Variants in HNRNPM observed in about 807,000 individuals in gnomAD.
HNRNPM encodes heterogeneous nuclear ribonucleoprotein M.
In HNRNPM, 11 loss-of-function variants were observed where a neutral mutation model predicts 73.1. The ratio of observed to expected loss-of-function variants is 0.15; its 90% CI spans 0.09 to 0.25. HNRNPM has a LOEUF of 0.25. Ranked by LOEUF, HNRNPM falls within the 10% of genes least tolerant of loss-of-function variation. The probability of loss-of-function intolerance (pLI) is 1.00; values close to 1 mark genes in which losing one functional copy is unlikely to be tolerated. For synonymous variants in HNRNPM, 407 were observed against 355.2 expected (o/e 1.15, Z -1.64); for missense variants, 789 against 1,067.9 (o/e 0.74, Z 3.64).
At chr19:8,468,645 C>G in intron 8 of HNRNPM, 129 bp from the exon 9 acceptor site, 2 of 683,978 alleles carry the variant, frequency 2.9e-6, no homozygotes, top group Non-Finnish European at 5.3e-6. Flanking sequence ...TCTACCCTTG[C>G]GTATTACTCC....
In HNRNPM at chr19:8,485,691, G is replaced by C. The variant is rs144260336; in HGVS notation, c.1263G>C (p.Ala421=). The C allele has an allele frequency of 2.6e-5, 41 of 1,605,362 alleles. No individual in the cohort carries two copies. Among genetic ancestry groups the C allele is most frequent in the Non-Finnish European group, 3.5e-5 (41 of 1,178,886 alleles). The change falls in exon 14 of 16, where the codon GCG becomes GCC. Residue 421 remains alanine, a synonymous_variant. Coordinates refer to ENST00000325495, the MANE Select transcript of HNRNPM (RefSeq NM_005968.5). ...LGGAGMERMG[A]GLGHGMDRVG... ...GTGCCGGCATGGAGCGCATGGGCGC[G>C]GGCCTGGGCCACGGCATGGATCGCG... is the stretch of plus-strand genomic sequence containing the variant.
rs1971513627 is a variant in HNRNPM, at chr19:8,488,957, T to A, written c.*103T>A. 9.1e-7 allele frequency: 1 copy of A among 1,098,786 alleles called. No individual in the cohort carries two copies. The highest frequency in any genetic ancestry group is 2.5e-5 in the Admixed American group (1 of 40,550). 68.1% of individuals were successfully genotyped at this position (1,098,786 alleles called of 1,614,324 possible). ...TGGATGTATAAAGATGTTTAAAAAA[T>A]TCAGTTGCTTTTTGGGGTAATTTGA... is the stretch of plus-strand genomic sequence containing the variant. On this transcript the variant is annotated 3_prime_UTR_variant, in exon 16 of 16. Transcript: ENST00000325495.
At chr19:8,480,024 C>T (rs1264484391) in intron 12 of HNRNPM, among the ~76,000 whole-genome samples, 1 of 144,378 alleles carries the variant, frequency 6.9e-6, no homozygotes, top group Non-Finnish European at 1.5e-5. Context: ...TCACACGCCT[C>T]GGCCTCCCAA....
chr19:8,484,609 T>G (rs1321830445), intron 13 of HNRNPM, among the ~76,000 whole-genome samples: 1 of 152,262 alleles, frequency 6.6e-6, no homozygotes, highest in East Asian at 1.9e-4. Flanking sequence ...CCGCTCACTG[T>G]GTGCTGTGCA....
chr19:8,465,749 A>T (rs960164047), intron 6 of HNRNPM, among the ~76,000 whole-genome samples: 1 of 152,152 alleles, frequency 6.6e-6, no homozygotes, highest in Admixed American at 6.6e-5. Flanking sequence ...GTGTTTCCGC[A>T]AGCAGTAACC....
intron 1 of HNRNPM, among the ~76,000 whole-genome samples, chr19:8,448,415 T>G (rs1968363916): frequency 6.6e-6 from 1 of 152,154 alleles, no homozygotes; most frequent in Non-Finnish European, 1.5e-5. Context: ...TTTAAAATTT[T>G]TTTAAATGTA....
intron 7 of HNRNPM, 138 bp from the exon 8 acceptor site, chr19:8,467,397 G>A (rs1364972554): frequency 2.0e-5 from 13 of 649,532 alleles, no homozygotes; most frequent in Non-Finnish European, 3.3e-5. Flanking sequence ...ATTGTTGAAA[G>A]TATAATGAAG....
intron 8 of HNRNPM, among the ~76,000 whole-genome samples, chr19:8,468,146 T>A (rs959503478): frequency 6.6e-6 from 1 of 152,268 alleles, no homozygotes; most frequent in Admixed American, 6.5e-5. Context: ...CTGGGTATCC[T>A]GGTTGAGCAA....
intron 1 of HNRNPM, 127 bp downstream of exon 1, chr19:8,445,238 G>T (rs1160536060): frequency 1.2e-6 from 1 of 835,574 alleles, no homozygotes. Context: ...TTCCCGTACC[G>T]CCTGCTCAGG....
chr19:8,451,358 T>G (rs551270830), intron 1 of HNRNPM, among the ~76,000 whole-genome samples: 28 of 152,274 alleles, frequency 1.8e-4, no homozygotes, highest in African/African-American at 6.0e-4. Context: ...TTAAAAAGAC[T>G]TGCAGAGTTA....
chr19:8,463,417 C>A, intron 3 of HNRNPM, 80 bp from the exon 4 acceptor site: 3 of 1,391,264 alleles, frequency 2.2e-6, no homozygotes, highest in Non-Finnish European at 3.1e-6. Flanking sequence ...TTGTTTATAA[C>A]TGTCATTGAT....
In HNRNPM at chr19:8,479,078, C is replaced by CTTTTT. The variant is rs74176651; in HGVS notation, c.1121-4060_1121-4056dup. Reference sequence around the variant, plus strand: ...ATTTCCTCCTCTTTTTTCTTTCTTTCTTTTTTTTTTTTTTTTTTTTTTTTC... The same window carrying CTTTTT: ...ATTTCCTCCTCTTTTTTCTTTCTTTCTTTTTTTTTTTTTTTTTTTTTTTTTTTTTC... On this transcript the variant is annotated intron_variant, in intron 12 of 15. Transcript: ENST00000325495. 3.1e-3 allele frequency among the ~76,000 whole-genome samples: 232 copies of CTTTTT among 73,824 alleles called. 9 individuals carry two copies. Among genetic ancestry groups the CTTTTT allele is most frequent in the Middle Eastern group, 0.014 (1 of 74 alleles). The allele number at this position is 73,824 out of a possible 152,430, so 48.4% of individuals were successfully genotyped here. A position where few individuals can be genotyped will look rare whatever the true frequency, so the allele number is the denominator to read the frequency against.
At chr19:8,451,031 C>T (rs1273308299) in intron 1 of HNRNPM, among the ~76,000 whole-genome samples, 3 of 152,090 alleles carry the variant, frequency 2.0e-5, no homozygotes, top group Non-Finnish European at 4.4e-5. Flanking sequence ...CTCAGCCTCC[C>T]GAGTAGCTGG....
intron 1 of HNRNPM, among the ~76,000 whole-genome samples, chr19:8,447,440 ATGG>A (rs1398545224): frequency 6.6e-6 from 1 of 152,182 alleles, no homozygotes; most frequent in Non-Finnish European, 1.5e-5. Flanking sequence ...GGTAGAAAGA[ATGG>A]AGGAGGTGAC....
At chr19:8,480,408 A>G (rs1378659223) in intron 12 of HNRNPM, among the ~76,000 whole-genome samples, 3 of 148,454 alleles carry the variant, frequency 2.0e-5, no homozygotes, top group African/African-American at 7.4e-5. Flanking sequence ...GTGGATAGCT[A>G]TGGCAAGAAT....
chr19:8,455,306 C>T (rs1008718955), intron 1 of HNRNPM, 99 bp from the exon 2 acceptor site: 35 of 1,042,202 alleles, frequency 3.4e-5, no homozygotes, highest in Non-Finnish European at 4.8e-5. Flanking sequence ...TCATATGTAA[C>T]TTTGTGTGGA....
Position 8,486,382 on chromosome 19 carries a change from G to A in HNRNPM, c.1954G>A (p.Ala652Thr). ...CCATGCTCCTGGGGTGGCCAGGAAGGCCTGCCAGATATTTGTGAGAAATGT... is the reference window on the plus strand; with the variant it reads ...CCATGCTCCTGGGGTGGCCAGGAAGACCTGCCAGATATTTGTGAGAAATGT... ...GGHAPGVARKACQIFVRNLPF... is the reference protein window; with the variant it reads ...GGHAPGVARKTCQIFVRNLPF... The change falls in exon 14 of 16, where the codon GCC becomes ACC. Residue 652 changes from alanine to threonine, a missense_variant. Transcript: ENST00000325495. 1 of 1,571,902 alleles carries A rather than the reference G, an allele frequency of 6.4e-7. No homozygotes were observed. The highest frequency in any genetic ancestry group is 8.6e-7 in the Non-Finnish European group (1 of 1,165,456).
intron 9 of HNRNPM, among the ~76,000 whole-genome samples, chr19:8,469,153 G>T (rs948016032): frequency 1.3e-5 from 2 of 152,212 alleles, no homozygotes; most frequent in African/African-American, 4.8e-5. Flanking sequence ...TAATTCAGAA[G>T]ATACTGGTTA....
intron 10 of HNRNPM, among the ~76,000 whole-genome samples, chr19:8,473,044 G>A (rs1008631791): frequency 6.6e-6 from 1 of 152,110 alleles, no homozygotes; most frequent in African/African-American, 2.4e-5. Flanking sequence ...TTTGGAGGCC[G>A]AGGGTTTGAG....
Sources: gnomAD v4.1 joint callset for allele counts (sites outside exome capture counted in the v4.1 genomes callset) on GRCh38, gnomAD v4.1.1 for gene constraint, MANE v1.5 for transcripts, NCBI Gene and HGNC (gene_info 2026-07-23, HGNC 2026-07-21) for gene names.